MUC5B: variants seen among roughly 807,000 people sequenced by gnomAD.
MUC5B encodes mucin-5B.
In MUC5B, 116 loss-of-function variants were observed where a neutral mutation model predicts 376.9. The ratio of observed to expected loss-of-function variants is 0.31; its 90% CI spans 0.26 to 0.36. The LOEUF is 0.36. Among genes scored for constraint, MUC5B ranks in the 10% least tolerant of loss-of-function variants. The pLI, the probability that MUC5B is intolerant of heterozygous loss-of-function variation, is 1.00. For synonymous variants in MUC5B, 3,517 were observed against 3,390.9 expected (o/e 1.04, Z -1.29); for missense variants, 7,165 against 7,769.9 (o/e 0.92, Z 2.93).
In MUC5B at chr11:1,251,594, C is replaced by T. The variant is rs1328558381; in HGVS notation, c.14714C>T (p.Thr4905Ile). 2 of 1,612,908 alleles carry T rather than the reference C, an allele frequency of 1.2e-6. No homozygotes were observed. The highest frequency in any genetic ancestry group is 1.3e-5 in the African/African-American group (1 of 74,948). ...TCGTCCACCGTGGGGACCACCCGCACCCCTGCAGTGCTCCCCAGCAGCCTG... is the reference window on the plus strand; with the variant it reads ...TCGTCCACCGTGGGGACCACCCGCATCCCTGCAGTGCTCCCCAGCAGCCTG... ...PSSSTVGTTR[T>I]PAVLPSSLPT... Residue 4905 changes from threonine to isoleucine, a missense_variant, in exon 31 of 49, where the codon ACC becomes ATC. By Grantham distance (89) the Thr-to-Ile change is moderately conservative. This residue lies in a region of MUC5B where 730 missense variants were observed against 592.7 expected (regional missense o/e 1.23). Coordinates refer to ENST00000529681, the MANE Select transcript of MUC5B (RefSeq NM_002458.3).
rs747267448 is a variant in MUC5B, at chr11:1,237,096, C to T, written c.3229C>T (p.Arg1077Cys). The change falls in exon 25 of 49, where the codon CGC (arginine) becomes TGC (cysteine). Residue 1077 changes from arginine (R) to cysteine (C), a missense_variant. Arg to Cys is a radical substitution (Grantham distance 180). This residue lies in a region of MUC5B where 143 missense variants were observed against 193.2 expected (regional missense o/e 0.74). Coordinates refer to ENST00000529681, the MANE Select transcript of MUC5B (RefSeq NM_002458.3). ...PKDPCTANPF[R>C]KSWAQKQCSI... ...GGACCCCTGCACGGCCAACCCCTTC[C>T]GCAAGTCCTGGGCCCAGAAGCAGTG... 1.5e-5 allele frequency: 24 copies of T among 1,552,426 alleles called. No homozygotes were observed. Among genetic ancestry groups the T allele is most frequent in the East Asian group, 2.4e-5 (1 of 41,064 alleles).
chr11:1,246,172 T>C lies in MUC5B; in HGVS notation c.9292T>C (p.Ser3098Pro). The C allele has an allele frequency of 6.2e-7, 1 of 1,601,952 alleles. No homozygotes were observed. The highest frequency in any genetic ancestry group is 8.5e-7 in the Non-Finnish European group (1 of 1,176,194). Residue 3098 changes from serine to proline, a missense_variant, in exon 31 of 49, where the codon TCC becomes CCC. Ser to Pro is a moderately conservative substitution (Grantham distance 74). Coordinates refer to ENST00000529681, the MANE Select transcript of MUC5B (RefSeq NM_002458.3). Reference sequence around the variant, plus strand: ...CACCATGTCCACAATCCACCCCTCCTCCACTCCGGAGACCACCCACACCTC... The same window carrying C: ...CACCATGTCCACAATCCACCCCTCCCCCACTCCGGAGACCACCCACACCTC... ...MATMSTIHPS[S>P]TPETTHTSTV... is the part of the protein sequence containing the mutation.
In MUC5B at chr11:1,240,953, T is replaced by G. The variant is rs1441115989; in HGVS notation, c.4073T>G (p.Phe1358Cys). 13 of 1,613,350 alleles carry G rather than the reference T, an allele frequency of 8.1e-6. No homozygotes were observed. The highest frequency in any genetic ancestry group is 1.1e-5 in the Non-Finnish European group (13 of 1,179,830). The stretch of plus-strand genomic sequence containing the variant: ...GAGCCCGGCCTGGGAGGCGGAGACT[T>G]TGAGACGTTTGAAAACCTGAGGCAG... ...RPEPGLGGGD[F>C]ETFENLRQRG... Residue 1358 changes from phenylalanine (F) to cysteine (C), a missense_variant, in exon 31 of 49, where the codon TTT becomes TGT. Around this residue, in one of 31 missense-constraint regions of MUC5B, gnomAD observed 517 missense variants for 545.3 expected, o/e 0.95. Transcript: ENST00000529681.
Position 1,243,674 on chromosome 11 carries a change from C to T in MUC5B, c.6794C>T (p.Pro2265Leu), listed in dbSNP as rs772342643. 1.2e-6 allele frequency: 2 copies of T among 1,611,578 alleles called. No homozygotes were observed. Among genetic ancestry groups the T allele is most frequent in the East Asian group, 2.2e-5 (1 of 44,858 alleles). Residue 2265 changes from proline (P) to leucine (L), a missense_variant, in exon 31 of 49, where the codon CCC (proline) becomes CTC (leucine). Pro to Leu is a moderately conservative substitution (Grantham distance 98). Transcript: ENST00000529681. ...CCTAGCAGCAGAACCACCGAGTCAC[C>T]CCCTTCTCCAGGGACGACCACCCCG... ...PHPSSRTTES[P>L]PSPGTTTPGH...
At position 1,246,771 on chromosome 11, in the gene MUC5B, C is replaced by T. The variant is rs780636785; in HGVS notation, c.9891C>T (p.Ser3297=). 4.2e-5 allele frequency: 68 copies of T among 1,610,808 alleles called. 1 individual carries two copies. The African/African-American group carries it at 6.0e-4, about 14-fold the overall frequency. The change falls in exon 31 of 49, where the codon TCC becomes TCT. Residue 3297 remains serine, a synonymous_variant. Transcript: ENST00000529681. The stretch of plus-strand genomic sequence containing the variant: ...CCACCGGCTCTGTGGCCACCCCCTC[C>T]TCCACCCCAGGAACAGCTCACACTA... ...TRATGSVATP[S]STPGTAHTTK... is the part of the protein sequence containing the mutation.
At position 1,259,737 on chromosome 11, in the gene MUC5B, GC is replaced by G. The variant is rs1564954618; in HGVS notation, c.16714-15del. On this transcript the variant is annotated intron_variant, in intron 44 of 48. Transcript: ENST00000529681. The stretch of plus-strand genomic sequence containing the variant: ...CTGGAGGAGAGGGTTAGGGCCTGAC[GC>G]CCCTCATGTCCCCACAGGGCTTTGA... 6.2e-7 allele frequency: 1 copy of G among 1,611,520 alleles called. No homozygotes were observed. The highest frequency in any genetic ancestry group is 2.2e-5 in the East Asian group (1 of 44,882).
intron 7 of MUC5B, among the ~76,000 whole-genome samples, chr11:1,228,290 G>C (rs1293636982): frequency 6.6e-6 from 1 of 152,186 alleles, no homozygotes; most frequent in South Asian, 2.1e-4. Flanking sequence ...TCCCCTCCTT[G>C]GCTCCGCCTC....
chr11:1,243,720 C>T lies in MUC5B; in HGVS notation c.6840C>T (p.Ser2280=), dbSNP rs189474138. 3,601 of 1,611,682 alleles carry T rather than the reference C, an allele frequency of 2.2e-3. 36 individuals are homozygous for T. In the African/African-American group the frequency reaches 0.043, roughly 19 times the overall value. ...TTTPGHTTAT[S]RTTATATPSK... is the part of the protein sequence containing the mutation. ...CCCCGGGCCACACCACGGCCACCTCCAGGACCACAGCCACGGCCACACCCA... is the reference window on the plus strand; with the variant it reads ...CCCCGGGCCACACCACGGCCACCTCTAGGACCACAGCCACGGCCACACCCA... Residue 2280 remains serine (S), a synonymous_variant, in exon 31 of 49, where the codon TCC becomes TCT. Coordinates refer to ENST00000529681, the MANE Select transcript of MUC5B (RefSeq NM_002458.3).
chr11:1,226,897 A>AG, intron 4 of MUC5B, 21 bp downstream of exon 4: 1 of 1,354,628 alleles, frequency 7.4e-7, no homozygotes, highest in Non-Finnish European at 9.7e-7. Context: ...CACCCTGGGG[A>AG]GGGGCGAGGG....
rs1862860188 is a variant in MUC5B, at chr11:1,257,166, C to T, written c.16238-74C>T. Reference sequence around the variant, plus strand: ...GGGAAGCAGGCTCCAGGCCTGAGAGCACCTCCCATGGCCAGAGGCCCCTCC... The same window carrying T: ...GGGAAGCAGGCTCCAGGCCTGAGAGTACCTCCCATGGCCAGAGGCCCCTCC... On this transcript the variant is annotated intron_variant, in intron 39 of 48. Transcript: ENST00000529681. This position sits in a 1 kb window ranked among gnomAD's most constrained non-coding sequence, Gnocchi z 8.9. 1 of 777,742 alleles carries T rather than the reference C, an allele frequency of 1.3e-6. No homozygotes were observed. The allele number at this position is 777,742 out of a possible 1,614,324, so 48.2% of individuals were successfully genotyped here.
Position 1,232,763 on chromosome 11 carries a change from C to T in MUC5B, c.2058C>T (p.Gly686=), listed in dbSNP as rs1286161587. Residue 686 remains glycine, a synonymous_variant, in exon 17 of 49, where the codon GGC becomes GGT. Transcript: ENST00000529681. ...TACAGCTCAGCGACTGGAGGGACGG[C>T]GTCTGCAGTGAGTGCCCACGCTGGG... is the stretch of plus-strand genomic sequence containing the variant. The part of the protein sequence containing the change: ...KGVQLSDWRD[G]VCTKYMQNCP... 1.6e-5 allele frequency: 25 copies of T among 1,592,030 alleles called. No homozygotes were observed. Among genetic ancestry groups the T allele is most frequent in the African/African-American group, 4.0e-5 (3 of 74,724 alleles).
At position 1,257,709 on chromosome 11, in the gene MUC5B, C is replaced by T. The variant is rs373288969; in HGVS notation, c.16449C>T (p.Cys5483=). 62 of 1,547,740 alleles carry T rather than the reference C, an allele frequency of 4.0e-5. 1 individual carries two copies. Among genetic ancestry groups the T allele is most frequent in the South Asian group, 2.5e-4 (21 of 85,118 alleles). The change falls in exon 41 of 49, where the codon TGC becomes TGT. Residue 5483 remains cysteine, a splice_region_variant and synonymous_variant. Coordinates refer to ENST00000529681, the MANE Select transcript of MUC5B (RefSeq NM_002458.3). The surrounding 1 kb of genome is among the most constrained non-coding windows in gnomAD (Gnocchi z 8.9). ...ACCCCTGCTGCCCCGAGACGGTGTGCGGTAAGACGCTGCAGAGCAGAGGTG... is the reference window on the plus strand; with the variant it reads ...ACCCCTGCTGCCCCGAGACGGTGTGTGGTAAGACGCTGCAGAGCAGAGGTG... ...AENPCCPETV[C]VCNTTTCPQS... is the part of the protein sequence containing the mutation.
chr11:1,238,751 A>C, intron 25 of MUC5B, 120 bp from the exon 26 acceptor site: 3 of 1,121,282 alleles, frequency 2.7e-6, no homozygotes, highest in Non-Finnish European at 3.8e-6. Flanking sequence ...CCAGGAGCTC[A>C]GAGAGCTGCC....
chr11:1,238,824 G>A (rs1049323668), intron 25 of MUC5B, 47 bp from the exon 26 acceptor site: 44 of 1,525,422 alleles, frequency 2.9e-5, no homozygotes, highest in Middle Eastern at 3.5e-4. Context: ...CCCCCTGGCC[G>A]GGGGGGCCAT....
In MUC5B at chr11:1,255,450, T is replaced by C; in HGVS notation, c.15958T>C (p.Cys5320Arg). The C allele has an allele frequency of 6.2e-7, 1 of 1,601,088 alleles. No homozygotes were observed. ...PFFNACISDH[C>R]RGRLEVPCQS... ...CTTCAACGCCTGCATCAGCGACCAC[T>C]GCAGGGGCCGCCTTGAGGTGCCCTG... Residue 5320 changes from cysteine to arginine, a missense_variant, in exon 37 of 49, where the codon TGC becomes CGC. Coordinates refer to ENST00000529681, the MANE Select transcript of MUC5B (RefSeq NM_002458.3).
rs894179187 is a variant in MUC5B at position 1,251,588 on chromosome 11, C to T, written c.14708C>T (p.Thr4903Ile). Residue 4903 changes from threonine to isoleucine, a missense_variant, in exon 31 of 49, where the codon ACC becomes ATC. By Grantham distance (89) the Thr-to-Ile change is moderately conservative (BLOSUM62 -1). Coordinates refer to ENST00000529681, the MANE Select transcript of MUC5B (RefSeq NM_002458.3). ...TVPSSSTVGT[T>I]RTPAVLPSSL... ...CCCAGCTCGTCCACCGTGGGGACCA[C>T]CCGCACCCCTGCAGTGCTCCCCAGC... 6.2e-7 allele frequency: 1 copy of T among 1,612,898 alleles called. No individual in the cohort carries two copies. Among genetic ancestry groups the T allele is most frequent in the South Asian group, 1.1e-5 (1 of 91,082 alleles).
Position 1,244,207 on chromosome 11 carries a change from G to T in MUC5B, c.7327G>T (p.Ala2443Ser). The change falls in exon 31 of 49, where the codon GCC becomes TCC. Residue 2443 changes from alanine (A) to serine (S), a missense_variant. Physicochemically the swap from Ala to Ser is moderately conservative, Grantham distance 99 (BLOSUM62 1). This residue lies in a region of MUC5B where 194 missense variants were observed against 268.5 expected (regional missense o/e 0.72). Transcript: ENST00000529681. ...GATCCTCACAGAGCTGACCACAACA[G>T]CCACTACGACTGAGTCCACTGGATC... is the stretch of plus-strand genomic sequence containing the variant. ...TWILTELTTT[A>S]TTTESTGSTA... The T allele has an allele frequency of 3.1e-6, 5 of 1,612,238 alleles. No homozygotes were observed. The highest frequency in any genetic ancestry group is 3.4e-6 in the Non-Finnish European group (4 of 1,178,780).
chr11:1,256,342 G>A (rs997076963), intron 38 of MUC5B, 117 bp downstream of exon 38: 17 of 647,808 alleles, frequency 2.6e-5, no homozygotes, highest in South Asian at 1.2e-4. Context: ...TGGGGTGCCC[G>A]AGCCCAGGAC....
Position 1,243,528 on chromosome 11 carries a change from G to A in MUC5B, c.6648G>A (p.Ser2216=), listed in dbSNP as rs771632259. The A allele has an allele frequency of 5.6e-6, 9 of 1,603,102 alleles. No individual in the cohort carries two copies. Among genetic ancestry groups the A allele is most frequent in the Middle Eastern group, 2.2e-4 (1 of 4,468 alleles). The change falls in exon 31 of 49, where the codon TCG becomes TCA. Residue 2216 remains serine (S), a synonymous_variant. Transcript: ENST00000529681. ...SPHTVRTAWT[S]ATSGILGTTH... is the part of the protein sequence containing the mutation. ...ACACGGTGCGCACAGCCTGGACTTC[G>A]GCCACCTCGGGCATCTTGGGCACCA...
Sources: allele counts gnomAD v4.1 joint callset (sites outside exome capture counted in the v4.1 genomes callset), GRCh38; gene constraint gnomAD v4.1.1; regional missense constraint gnomAD v4.1.1; non-coding constraint Gnocchi (gnomAD v3.1); transcripts MANE v1.5; gene names NCBI Gene and HGNC (gene_info 2026-07-23, HGNC 2026-07-21).